Variants in SMTN observed in about 807,000 individuals in gnomAD.
SMTN encodes the protein smoothelin.
Under a neutral mutation model 102.0 loss-of-function variants are expected in SMTN, and 58 were observed. The ratio of observed to expected loss-of-function variants is 0.57; its 90% CI spans 0.46 to 0.71. SMTN has a LOEUF of 0.71. Among genes scored for constraint, SMTN ranks in the 30% least tolerant of loss-of-function variants. SMTN has a pLI of 0.00. For missense variants in SMTN, 1,185 were observed against 1,241.7 expected (o/e 0.95, Z 0.69); for synonymous variants, 478 against 497.9 (o/e 0.96, Z 0.53).
chr22:31,082,422 T>C (rs1450785369), intron 1 of SMTN: 1 of 439,858 alleles, frequency 2.3e-6, no homozygotes, highest in Non-Finnish European at 4.8e-6. Flanking sequence ...AAGCCGGAGA[T>C]GACGAAGATT....
chr22:31,087,822 G>A (rs903295927), intron 2 of SMTN, 143 bp from the exon 3 acceptor site: 18 of 853,540 alleles, frequency 2.1e-5, no homozygotes, highest in Middle Eastern at 7.4e-4. Flanking sequence ...GGGACCCTGC[G>A]TGGGCAGGCA....
Position 31,089,770 on chromosome 22 carries a change from C to G in SMTN, c.543C>G (p.Ser181Arg). 2 of 1,612,506 alleles carry G rather than the reference C, an allele frequency of 1.2e-6. No individual in the cohort carries two copies. Among genetic ancestry groups the G allele is most frequent in the Non-Finnish European group, 8.5e-7 (1 of 1,179,936 alleles). ...CAACCCCCACCCCTGAAGGCACCAG[C>G]CAGGATGTGACCACAGTGACACTCC... ...SKPTPTPEGT[S>R]QDVTTVTLLL... is the part of the protein sequence containing the mutation. The change falls in exon 7 of 21, where the codon AGC becomes AGG. Residue 181 changes from serine to arginine, a missense_variant. Coordinates refer to ENST00000333137, the MANE Select transcript of SMTN (RefSeq NM_134269.3).
upstream of SMTN, chr22:31,080,633 C>T (rs1265835790): frequency 6.6e-6 from 1 of 152,224 alleles, no homozygotes; most frequent in Non-Finnish European, 1.5e-5. Context: ...TCAATTTCCC[C>T]CTTTTGCTGA....
intron 1 of SMTN, chr22:31,082,219 G>T (rs2042353880): frequency 1.8e-5 from 4 of 222,294 alleles, no homozygotes; most frequent in Non-Finnish European, 3.8e-5. Flanking sequence ...TCCACAGTGT[G>T]CCAGACCAGG....
At chr22:31,070,507 C>G (rs1244528641) in intron 1 of SMTN, among the ~76,000 whole-genome samples, 7 of 152,078 alleles carry the variant, frequency 4.6e-5, no homozygotes, top group Non-Finnish European at 8.8e-5. Flanking sequence ...CCCACCCCCA[C>G]GTCGAGACCA....
In SMTN at chr22:31,097,005, C is replaced by T; in HGVS notation, c.2034C>T (p.Gly678=). Residue 678 remains glycine, a synonymous_variant, in exon 15 of 21, where the codon GGC becomes GGT. Transcript: ENST00000333137. ...CATCCCCTGCCCCTGCAGATGATGG[C>T]ACACGGACGGCCCGCACCACCACAG... ...KTERLVHSND[G]TRTARTTTVE... The T allele has an allele frequency of 6.2e-7, 1 of 1,614,158 alleles. No individual in the cohort carries two copies. The highest frequency in any genetic ancestry group is 2.2e-5 in the East Asian group (1 of 44,882).
intron 1 of SMTN, among the ~76,000 whole-genome samples, chr22:31,075,080 C>A (rs1470059996): frequency 1.3e-5 from 2 of 152,122 alleles, no homozygotes; most frequent in Non-Finnish European, 2.9e-5. Flanking sequence ...ATGTCCCCAC[C>A]GTACTCAAGT....
chr22:31,065,147 T>C (rs1420602385), intron 1 of SMTN: 1 of 152,198 alleles, frequency 6.6e-6, no homozygotes, highest in African/African-American at 2.4e-5. Context: ...CGTTATGCCC[T>C]TCTTAGTGCA....
chr22:31,093,153 G>A (rs1196691454), intron 11 of SMTN, among the ~76,000 whole-genome samples: 1 of 152,258 alleles, frequency 6.6e-6, no homozygotes, highest in East Asian at 1.9e-4. Context: ...AACCCATGCA[G>A]TCTTACTGTG....
chr22:31,099,613 A>G (rs754029598), intron 18 of SMTN, 132 bp from the exon 19 acceptor site: 3 of 905,812 alleles, frequency 3.3e-6, no homozygotes, highest in Admixed American at 2.7e-5. Context: ...TGTTCCAACT[A>G]TTCACTCATT....
chr22:31,103,588 A>G (rs1245715352), intron 20 of SMTN: 1 of 152,500 alleles, frequency 6.6e-6, no homozygotes, highest in Non-Finnish European at 1.5e-5. Flanking sequence ...TTATCTGTGA[A>G]GGGCAGCTAG....
chr22:31,088,161 C>T (rs768157126), intron 3 of SMTN, 48 bp downstream of exon 3: 2 of 1,545,012 alleles, frequency 1.3e-6, no homozygotes, highest in Admixed American at 1.9e-5. Context: ...GAGTGTGAGC[C>T]CTGGCTCAGC....
intron 11 of SMTN, among the ~76,000 whole-genome samples, chr22:31,094,910 T>C (rs1227507814): frequency 6.6e-6 from 1 of 152,160 alleles, no homozygotes; most frequent in Non-Finnish European, 1.5e-5. Context: ...GGTCTCAAAC[T>C]GCTGGCAACA....
intron 1 of SMTN, chr22:31,082,615 G>T (rs1361477793): frequency 3.4e-6 from 2 of 590,052 alleles, no homozygotes; most frequent in Non-Finnish European, 6.6e-6. Flanking sequence ...CTGGGTGCCT[G>T]GACACCTGGC....
At chr22:31,085,172 C>T (rs878923438) in intron 2 of SMTN, 6 of 1,535,528 alleles carry the variant, frequency 3.9e-6, no homozygotes, top group Admixed American at 2.0e-5. Context: ...GTTCGACCTC[C>T]GCCACTCAGC....
At chr22:31,098,948 CTG>C (rs2043851348) in intron 17 of SMTN, 108 bp downstream of exon 17, 2 of 1,546,648 alleles carry the variant, frequency 1.3e-6, no homozygotes, top group Admixed American at 3.3e-5. Flanking sequence ...GCGGCTAGAT[CTG>C]TGGTGCAAAG....
upstream of SMTN, among the ~76,000 whole-genome samples, chr22:31,080,185 G>T (rs1224070239): frequency 6.6e-6 from 1 of 152,176 alleles, no homozygotes; most frequent in African/African-American, 2.4e-5. Flanking sequence ...TGGGGGCTGG[G>T]GGGTGTCACA....
At chr22:31,078,678 A>G (rs180828347), upstream of SMTN, among the ~76,000 whole-genome samples, 158 of 152,312 alleles carry the variant, frequency 1.0e-3, 2 homozygotes, top group Admixed American at 6.7e-3. Flanking sequence ...CCTCTGCCAC[A>G]AATGCCCTTT....
chr22:31,103,205 T>G, intron 20 of SMTN: 1 of 151,460 alleles, frequency 6.6e-6, no homozygotes, highest in East Asian at 1.9e-4. Flanking sequence ...AGATGGGAGG[T>G]GGTCTTGGGT....
Sources: allele counts gnomAD v4.1 joint callset (sites outside exome capture counted in the v4.1 genomes callset), GRCh38; gene constraint gnomAD v4.1.1; transcripts MANE v1.5; gene names NCBI Gene and HGNC (gene_info 2026-07-23, HGNC 2026-07-21).